Variants in DLGAP1 observed in about 807,000 individuals in gnomAD.
DLGAP1 encodes the protein disks large-associated protein 1.
Under a neutral mutation model 90.8 loss-of-function variants are expected in DLGAP1, and 11 were observed. That is an observed-to-expected ratio of 0.12 (90% CI 0.08 to 0.20). The LOEUF is 0.20. Ranked by LOEUF, DLGAP1 falls within the 10% of genes least tolerant of loss-of-function variation. The pLI is 1.00. For synonymous variants in DLGAP1, 558 were observed against 540.7 expected (o/e 1.03, Z -0.44); for missense variants, 1,050 against 1,333.8 (o/e 0.79, Z 3.31).
intron 2 of DLGAP1, among the ~76,000 whole-genome samples, chr18:4,059,018 C>G (rs139116984): frequency 1.3e-5 from 2 of 152,358 alleles, no homozygotes; most frequent in African/African-American, 2.4e-5. Context: ...CTGAGGCTAA[C>G]AGATTACCAT....
At chr18:3,740,962 C>T (rs1483795873) in intron 6 of DLGAP1, among the ~76,000 whole-genome samples, 80 of 145,116 alleles carry the variant, frequency 5.5e-4, no homozygotes, top group African/African-American at 2.0e-3. Flanking sequence ...GTCACCACCA[C>T]CACCACCATC....
chr18:4,292,745 G>A (rs935636989), intron 1 of DLGAP1, among the ~76,000 whole-genome samples: 2 of 152,162 alleles, frequency 1.3e-5, no homozygotes, highest in Admixed American at 1.3e-4. Context: ...TTCAAGGGTA[G>A]TCTTTTCTCT....
intron 2 of DLGAP1, among the ~76,000 whole-genome samples, chr18:4,089,304 G>A (rs1187231098): frequency 1.4e-4 from 21 of 152,090 alleles, no homozygotes. Flanking sequence ...AATAAAAGAG[G>A]ACAGAAACAA....
Position 3,679,337 on chromosome 18 carries a change from C to T in DLGAP1, c.1591+49798G>A, listed in dbSNP as rs141522686. ...CAGTGAAGTCTCTGTAATTATGAAA[C>T]TACTTGTGTGACATGACACTACTTG... On this transcript the variant is annotated intron_variant, in intron 7 of 12. Transcript: ENST00000315677. Among the ~76,000 whole-genome samples, 11 of 152,014 alleles carry T rather than the reference C, an allele frequency of 7.2e-5. No homozygotes were observed. The East Asian group carries it at 1.9e-3, about 27-fold the overall frequency.
At chr18:3,914,901 A>C (rs1344922369) in intron 3 of DLGAP1, among the ~76,000 whole-genome samples, 1 of 152,036 alleles carries the variant, frequency 6.6e-6, no homozygotes, top group Middle Eastern at 3.2e-3. Context: ...ATGCCATGAC[A>C]CCTGGCTAAT....
intron 7 of DLGAP1, among the ~76,000 whole-genome samples, chr18:3,663,344 T>C (rs577281056): frequency 2.6e-5 from 4 of 152,190 alleles, no homozygotes; most frequent in South Asian, 4.1e-4. Context: ...GGGGTGAGTA[T>C]ATTTTGCCTT....
intron 7 of DLGAP1, among the ~76,000 whole-genome samples, chr18:3,644,800 T>C (rs896424025): frequency 7.2e-5 from 11 of 152,198 alleles, no homozygotes; most frequent in African/African-American, 2.7e-4. Context: ...GTTATGTAAA[T>C]TGTAATATAT....
At chr18:4,276,619 G>C (rs1025910456) in intron 1 of DLGAP1, among the ~76,000 whole-genome samples, 8 of 150,592 alleles carry the variant, frequency 5.3e-5, no homozygotes, top group Non-Finnish European at 1.0e-4. Flanking sequence ...CTGGATGACA[G>C]AGCAAGACAC....
chr18:4,185,341 G>C (rs924941039), intron 1 of DLGAP1, among the ~76,000 whole-genome samples: 2 of 151,504 alleles, frequency 1.3e-5, no homozygotes, highest in Non-Finnish European at 2.9e-5. Context: ...CGTCATGGGG[G>C]TTTGTTGTAC....
intron 2 of DLGAP1, among the ~76,000 whole-genome samples, chr18:4,066,784 A>C (rs531761599): frequency 6.6e-6 from 1 of 152,146 alleles, no homozygotes; most frequent in South Asian, 2.1e-4. Flanking sequence ...TCAATGACCT[A>C]AGGACAGAAA....
intron 7 of DLGAP1, among the ~76,000 whole-genome samples, chr18:3,610,310 T>C (rs2057543599): frequency 1.3e-5 from 2 of 152,140 alleles, no homozygotes; most frequent in African/African-American, 4.8e-5. Flanking sequence ...ACAGCTAGGC[T>C]TTTTCTGAGG....
intron 7 of DLGAP1, among the ~76,000 whole-genome samples, chr18:3,677,481 A>C (rs1399318154): frequency 6.6e-6 from 1 of 152,222 alleles, no homozygotes; most frequent in Non-Finnish European, 1.5e-5. Context: ...CCTGTACTGT[A>C]TATTCCTGCA....
intron 1 of DLGAP1, among the ~76,000 whole-genome samples, chr18:4,358,599 C>G (rs77506206): frequency 0.039 from 5,897 of 152,330 alleles, 350 homozygotes; most frequent in African/African-American, 0.13. Context: ...AGACTACTCA[C>G]TCTCCATTGT....
chr18:3,764,392 C>T (rs2064117933), intron 5 of DLGAP1, among the ~76,000 whole-genome samples: 1 of 152,068 alleles, frequency 6.6e-6, no homozygotes, highest in African/African-American at 2.4e-5. Context: ...AGTCCGTTAA[C>T]CAAAAAGCTG....
At chr18:4,095,477 G>A (rs1194123191) in intron 2 of DLGAP1, among the ~76,000 whole-genome samples, 2 of 152,196 alleles carry the variant, frequency 1.3e-5, no homozygotes, top group African/African-American at 4.8e-5. Context: ...TCCTTTTCCA[G>A]GGGTGCTTTC....
At chr18:4,239,046 C>T (rs2078475016) in intron 1 of DLGAP1, among the ~76,000 whole-genome samples, 1 of 152,148 alleles carries the variant, frequency 6.6e-6, no homozygotes, top group Admixed American at 6.5e-5. Context: ...CAAAGTGGGC[C>T]ACTATGTGAT....
intron 3 of DLGAP1, among the ~76,000 whole-genome samples, chr18:3,997,626 C>T (rs2149066053): frequency 6.6e-6 from 1 of 151,952 alleles, no homozygotes; most frequent in East Asian, 1.9e-4. Context: ...GAATTAAGAA[C>T]AGCACCATAC....
intron 9 of DLGAP1, among the ~76,000 whole-genome samples, chr18:3,542,359 TA>T (rs2144642720): frequency 6.6e-6 from 1 of 152,300 alleles, no homozygotes; most frequent in African/African-American, 2.4e-5. Context: ...TAAAAATTGA[TA>T]AGGCTGGAGA....
At chr18:3,838,559 A>T (rs1372222920) in intron 4 of DLGAP1, among the ~76,000 whole-genome samples, 19 of 152,142 alleles carry the variant, frequency 1.2e-4, no homozygotes, top group Non-Finnish European at 1.5e-5. Flanking sequence ...CAATGAGTAA[A>T]CTCTTAGAGC....
Sources: allele counts gnomAD v4.1 joint callset (sites outside exome capture counted in the v4.1 genomes callset), GRCh38; gene constraint gnomAD v4.1.1; transcripts MANE v1.5; gene names NCBI Gene and HGNC (gene_info 2026-07-23, HGNC 2026-07-21).